C2CD2: variants seen among roughly 807,000 people sequenced by gnomAD.
The protein encoded by C2CD2 is C2 calcium dependent domain containing 2.
C2CD2 carries 43 observed loss-of-function variants against 74.3 expected under a neutral mutation model. That is an observed-to-expected ratio of 0.58 (90% CI 0.45 to 0.75). C2CD2 has a LOEUF of 0.75. C2CD2 is among the 30% of genes least tolerant of loss of function. The probability of loss-of-function intolerance (pLI) is 0.00; values close to 1 mark genes in which losing one functional copy is unlikely to be tolerated. For synonymous variants in C2CD2, 422 were observed against 390.7 expected, an observed-to-expected ratio of 1.08 and a Z score of -0.94; for missense variants, 801 against 916.3, an observed-to-expected ratio of 0.87 and a Z score of 1.63.
rs1569049432 is a variant in C2CD2, at chr21:41,888,257, G to A, written c.*867C>T. 6.6e-6 allele frequency: 1 copy of A among 152,564 alleles called. No homozygotes were observed. Among genetic ancestry groups the A allele is most frequent in the Non-Finnish European group, 1.5e-5 (1 of 68,042 alleles). 9.5% of individuals were successfully genotyped at this position (152,564 alleles called of 1,614,324 possible). A position where few individuals can be genotyped will look rare whatever the true frequency, so the allele number is the denominator to read the frequency against. Reference sequence around the variant, plus strand: ...TATGTGTTTGGTTACTGTGTTCTACGAGCGGTCACGTATGGCTCCTGACTT... The same window carrying A: ...TATGTGTTTGGTTACTGTGTTCTACAAGCGGTCACGTATGGCTCCTGACTT... On this transcript the variant is annotated 3_prime_UTR_variant, in exon 14 of 14. Coordinates refer to ENST00000380486, the MANE Select transcript of C2CD2 (RefSeq NM_015500.2).
At chr21:41,934,558 A>G (rs1444099504) in intron 2 of C2CD2, among the ~76,000 whole-genome samples, 1 of 152,176 alleles carries the variant, frequency 6.6e-6, no homozygotes, top group African/African-American at 2.4e-5. Flanking sequence ...TTCAAAATGC[A>G]CGTACTCTTT....
chr21:41,952,562 G>T (rs1206077381), intron 1 of C2CD2, among the ~76,000 whole-genome samples: 1 of 152,268 alleles, frequency 6.6e-6, no homozygotes, highest in Non-Finnish European at 1.5e-5. Flanking sequence ...AATAGTACAT[G>T]CCAGGAGCTT....
intron 3 of C2CD2, among the ~76,000 whole-genome samples, chr21:41,921,414 A>G (rs2065152506): frequency 6.6e-6 from 1 of 152,232 alleles, no homozygotes; most frequent in South Asian, 2.1e-4. Context: ...ATTATTAGAG[A>G]TCCGTAAGTC....
In C2CD2 at chr21:41,892,855, C is replaced by T. The variant is rs916967745; in HGVS notation, c.1871-3511G>A. 6.6e-6 allele frequency among the ~76,000 whole-genome samples: 1 copy of T among 152,262 alleles called. No individual in the cohort carries two copies. The highest frequency in any genetic ancestry group is 1.5e-5 in the Non-Finnish European group (1 of 68,048). The stretch of plus-strand genomic sequence containing the variant: ...TCGCTGCTCATGCTCCTTCGCACTT[C>T]ACTCTGGGGGCCGGCAGACCACAGG... On this transcript the variant is annotated intron_variant, in intron 13 of 13. Coordinates refer to ENST00000380486, the MANE Select transcript of C2CD2 (RefSeq NM_015500.2). The surrounding 1 kb of genome is among the most constrained non-coding windows in gnomAD (Gnocchi z 4.6).
intron 2 of C2CD2, among the ~76,000 whole-genome samples, chr21:41,930,366 A>G (rs1238773439): frequency 2.0e-5 from 3 of 150,078 alleles, no homozygotes. Flanking sequence ...AGAAAAAAAT[A>G]ATAATAAACC....
At position 41,909,443 on chromosome 21, in the gene C2CD2, C is replaced by G; in HGVS notation, c.1018+16G>C. On this transcript the variant is annotated intron_variant, in intron 8 of 13. Coordinates refer to ENST00000380486, the MANE Select transcript of C2CD2 (RefSeq NM_015500.2). Reference sequence around the variant, plus strand: ...CTTTCCAGAGGGCGAGGCCTCTGTCCTCCTGCTCAACCCACCTTCTGAGGA... The same window carrying G: ...CTTTCCAGAGGGCGAGGCCTCTGTCGTCCTGCTCAACCCACCTTCTGAGGA... The G allele has an allele frequency of 6.2e-7, 1 of 1,600,934 alleles. No individual in the cohort carries two copies. The highest frequency in any genetic ancestry group is 1.1e-5 in the South Asian group (1 of 90,800).
intron 7 of C2CD2, among the ~76,000 whole-genome samples, chr21:41,911,058 T>C (rs1449961744): frequency 2.0e-5 from 3 of 152,208 alleles, no homozygotes; most frequent in South Asian, 2.1e-4. Flanking sequence ...GTATTTACCA[T>C]TTATAGTGAT....
In C2CD2 at chr21:41,938,979, T is replaced by C. The variant is rs781426788; in HGVS notation, c.378+3168A>G. The stretch of plus-strand genomic sequence containing the variant: ...GGCTGGTCTCGAACTCCTGACCTCA[T>C]GATCCGCCCACCTTGGCCTCCCAAA... On this transcript the variant is annotated intron_variant, in intron 2 of 13. Coordinates refer to ENST00000380486, the MANE Select transcript of C2CD2 (RefSeq NM_015500.2). 4.9e-4 allele frequency among the ~76,000 whole-genome samples: 75 copies of C among 152,118 alleles called. 1 individual carries two copies. Among genetic ancestry groups the C allele is most frequent in the Admixed American group, 1.2e-3 (18 of 15,268 alleles).
At chr21:41,944,046 G>A (rs2146229528) in intron 1 of C2CD2, among the ~76,000 whole-genome samples, 1 of 152,340 alleles carries the variant, frequency 6.6e-6, no homozygotes, top group South Asian at 2.1e-4. Flanking sequence ...AGAACCATGA[G>A]CAGGCAACAT....
Position 41,899,447 on chromosome 21 carries a change from A to C in C2CD2, c.1561-85T>G, listed in dbSNP as rs17114083. 6.2e-3 allele frequency: 7,720 copies of C among 1,249,348 alleles called. 375 individuals carry two copies. In the African/African-American group the frequency reaches 0.099, roughly 16 times the overall value. The allele number at this position is 1,249,348 out of a possible 1,614,324, so 77.4% of individuals were successfully genotyped here. ...AGAACTGAAAAGCACTCTCCAAAAC[A>C]TTCTGACAGCTGATTTCAAAGTCTC... is the stretch of plus-strand genomic sequence containing the variant. On this transcript the variant is annotated intron_variant, in intron 12 of 13. Coordinates refer to ENST00000380486, the MANE Select transcript of C2CD2 (RefSeq NM_015500.2). The surrounding 1 kb of genome is among the most constrained non-coding windows in gnomAD (Gnocchi z 4.4).
At chr21:41,907,201 GT>G in intron 9 of C2CD2, 35 bp from the exon 10 acceptor site, 1 of 1,589,788 alleles carries the variant, frequency 6.3e-7, no homozygotes, top group Non-Finnish European at 8.6e-7. Context: ...TTCTGGTTTT[GT>G]GGAAGTTGCC....
intron 1 of C2CD2, among the ~76,000 whole-genome samples, chr21:41,942,555 A>C (rs778475012): frequency 1.3e-5 from 2 of 152,180 alleles, no homozygotes; most frequent in Non-Finnish European, 2.9e-5. Flanking sequence ...TCCTGCTGAC[A>C]GCATAAGGAA....
intron 7 of C2CD2, chr21:41,912,072 T>C (rs2065031921): frequency 2.8e-6 from 1 of 356,674 alleles, no homozygotes; most frequent in Admixed American, 4.5e-5. Flanking sequence ...CTGGATGATA[T>C]GTGTGTCTGT....
At chr21:41,927,199 T>C (rs554296876) in intron 2 of C2CD2, among the ~76,000 whole-genome samples, 2 of 152,352 alleles carry the variant, frequency 1.3e-5, no homozygotes, top group South Asian at 4.1e-4. Context: ...GGAGTCTCAC[T>C]CTGTCCCCTA....
Position 41,939,295 on chromosome 21 carries a change from A to G in C2CD2, c.378+2852T>C, listed in dbSNP as rs1171082932. 6.6e-6 allele frequency among the ~76,000 whole-genome samples: 1 copy of G among 152,230 alleles called. No homozygotes were observed. Among genetic ancestry groups the G allele is most frequent in the African/African-American group, 2.4e-5 (1 of 41,452 alleles). On this transcript the variant is annotated intron_variant, in intron 2 of 13. Coordinates refer to ENST00000380486, the MANE Select transcript of C2CD2 (RefSeq NM_015500.2). The surrounding 1 kb of genome is among the most constrained non-coding windows in gnomAD (Gnocchi z 5.5). Reference sequence around the variant, plus strand: ...TTACAATTGAATTACCTACCGTGTAAGGCCACTTTTCTGGCAATATGAAGT... The same window carrying G: ...TTACAATTGAATTACCTACCGTGTAGGGCCACTTTTCTGGCAATATGAAGT...
At chr21:41,922,951 A>C (rs1181265438) in intron 2 of C2CD2, among the ~76,000 whole-genome samples, 4 of 151,872 alleles carry the variant, frequency 2.6e-5, no homozygotes, top group African/African-American at 9.7e-5. Context: ...TAAAGTCTTG[A>C]CCAAATCTAG....
chr21:41,898,415 G>T (rs1221945905), intron 13 of C2CD2, among the ~76,000 whole-genome samples: 3 of 152,300 alleles, frequency 2.0e-5, no homozygotes, highest in Middle Eastern at 3.4e-3. Context: ...ATACATTCAG[G>T]TTACTCATGC....
intron 1 of C2CD2, among the ~76,000 whole-genome samples, chr21:41,951,239 G>A (rs889372088): frequency 5.9e-5 from 9 of 152,272 alleles, no homozygotes; most frequent in East Asian, 5.8e-4. Context: ...TCAGGATGCC[G>A]GGAGGGTGTG....
At chr21:41,890,920 GCC>G (rs1478467163) in intron 13 of C2CD2, among the ~76,000 whole-genome samples, 1 of 152,234 alleles carries the variant, frequency 6.6e-6, no homozygotes, top group East Asian at 1.9e-4. Flanking sequence ...CATCTGCTCT[GCC>G]CAGGTTACAG....
Sources: gnomAD v4.1 joint callset for allele counts (sites outside exome capture counted in the v4.1 genomes callset) on GRCh38, gnomAD v4.1.1 for gene constraint, Gnocchi (gnomAD v3.1) non-coding constraint, MANE v1.5 for transcripts, NCBI Gene and HGNC (gene_info 2026-07-23, HGNC 2026-07-21) for gene names.